CMC1: variants seen among roughly 807,000 people sequenced by gnomAD.
CMC1 encodes the protein COX assembly mitochondrial protein homolog.
Under a neutral mutation model 14.1 loss-of-function variants are expected in CMC1, and 14 were observed. The observed-to-expected ratio is 0.99, with a 90% confidence interval of 0.66 to 1.55. The LOEUF (loss-of-function observed/expected upper bound fraction) is 1.55, where lower values mean the gene tolerates loss of function less well. CMC1 is among the 40% of genes most tolerant of loss of function. The pLI, the probability that CMC1 is intolerant of heterozygous loss-of-function variation, is 0.00. For synonymous variants in CMC1, 50 were observed against 38.4 expected, an observed-to-expected ratio of 1.30 and a Z score of -1.12; for missense variants, 127 against 123.8, an observed-to-expected ratio of 1.03 and a Z score of -0.12.
chr3:28,294,214 A>G (rs1405769555), intron 2 of CMC1, among the ~76,000 whole-genome samples: 1 of 152,158 alleles, frequency 6.6e-6, no homozygotes, highest in Non-Finnish European at 1.5e-5. Context: ...AGCTCTGTCA[A>G]AAAAATTACA....
chr3:28,269,521 G>T (rs1700172067), intron 2 of CMC1, among the ~76,000 whole-genome samples: 1 of 151,760 alleles, frequency 6.6e-6, no homozygotes, highest in Non-Finnish European at 1.5e-5. Flanking sequence ...TTGTGCCATG[G>T]TGGTTTGCTG....
intron 1 of CMC1, among the ~76,000 whole-genome samples, chr3:28,260,091 A>G (rs1391126555): frequency 6.6e-6 from 1 of 151,862 alleles, no homozygotes; most frequent in Non-Finnish European, 1.5e-5. Flanking sequence ...CCTTTTTTGG[A>G]CTGTTAATAT....
chr3:28,271,517 T>G (rs1038547919), intron 2 of CMC1, among the ~76,000 whole-genome samples: 5 of 152,210 alleles, frequency 3.3e-5, no homozygotes, highest in African/African-American at 7.2e-5. Context: ...GTTGTAGATG[T>G]GCAGTCTTAT....
At chr3:28,243,558 T>C (rs1011143036) in intron 1 of CMC1, among the ~76,000 whole-genome samples, 4 of 152,252 alleles carry the variant, frequency 2.6e-5, no homozygotes, top group Admixed American at 1.3e-4. Flanking sequence ...TCTTGTGTTG[T>C]ACCCAAGGCC....
Position 28,324,167 on chromosome 3 carries a change from G to A in CMC1, c.*4538G>A. 3 of 1,610,662 alleles carry A rather than the reference G, an allele frequency of 1.9e-6. No homozygotes were observed. The highest frequency in any genetic ancestry group is 2.5e-6 in the Non-Finnish European group (3 of 1,177,632). Reference sequence around the variant, plus strand: ...GTCTCACTTGATTTAGGAGGACTTGGAAATACCCAGGAATTGTCTTCCAGA... The same window carrying A: ...GTCTCACTTGATTTAGGAGGACTTGAAAATACCCAGGAATTGTCTTCCAGA... On this transcript the variant is annotated 3_prime_UTR_variant, in exon 4 of 4. Coordinates refer to ENST00000466830, the MANE Select transcript of CMC1 (RefSeq NM_182523.2).
At chr3:28,281,662 A>G (rs1366083732) in intron 2 of CMC1, among the ~76,000 whole-genome samples, 1 of 152,212 alleles carries the variant, frequency 6.6e-6, no homozygotes, top group East Asian at 1.9e-4. Context: ...GGCACAGAAA[A>G]TAGAATTACA....
At chr3:28,293,905 GA>G (rs1284670225) in intron 2 of CMC1, among the ~76,000 whole-genome samples, 1 of 151,950 alleles carries the variant, frequency 6.6e-6, no homozygotes, top group Non-Finnish European at 1.5e-5. Context: ...TTTTTAACTT[GA>G]AAACCTGTGT....
In CMC1 at chr3:28,241,822, C is replaced by T. The variant is rs765731118; in HGVS notation, c.19+10C>T. The T allele has an allele frequency of 8.9e-6, 11 of 1,238,378 alleles. No homozygotes were observed. Among genetic ancestry groups the T allele is most frequent in the African/African-American group, 1.6e-5 (1 of 64,486 alleles). The allele number at this position is 1,238,378 out of a possible 1,614,324, so 76.7% of individuals were successfully genotyped here. ...GCGCTCGACCCCGCAGGTACCGGGG[C>T]GGGAAGCGGGGTTTGCCGAGGGGCC... On this transcript the variant is annotated intron_variant, in intron 1 of 3. Transcript: ENST00000466830.
intron 2 of CMC1, among the ~76,000 whole-genome samples, chr3:28,295,173 ACTTT>A (rs1183491756): frequency 1.3e-5 from 2 of 152,034 alleles, no homozygotes; most frequent in East Asian, 3.9e-4. Flanking sequence ...CTTAGCCTTT[ACTTT>A]CATTTTAGTG....
chr3:28,249,637 C>T (rs1238841956), intron 1 of CMC1, among the ~76,000 whole-genome samples: 5 of 152,084 alleles, frequency 3.3e-5, no homozygotes, highest in African/African-American at 1.2e-4. Flanking sequence ...GGGTGGGGCC[C>T]AAGCATTAAG....
intron 1 of CMC1, among the ~76,000 whole-genome samples, chr3:28,261,861 G>A (rs1272100549): frequency 1.3e-5 from 2 of 152,076 alleles, no homozygotes; most frequent in Non-Finnish European, 2.9e-5. Flanking sequence ...ATATAGGTTC[G>A]CATCTCCAAA....
intron 1 of CMC1, among the ~76,000 whole-genome samples, chr3:28,259,324 T>C (rs1327470985): frequency 6.6e-6 from 1 of 152,086 alleles, no homozygotes; most frequent in Non-Finnish European, 1.5e-5. Context: ...GAAATATTAC[T>C]CTCTTAATGT....
chr3:28,257,231 T>A (rs1699460231), intron 1 of CMC1, among the ~76,000 whole-genome samples: 1 of 152,164 alleles, frequency 6.6e-6, no homozygotes, highest in Non-Finnish European at 1.5e-5. Context: ...TATATCCTAA[T>A]TAAGACATTT....
intron 2 of CMC1, among the ~76,000 whole-genome samples, chr3:28,293,694 G>A (rs572752045): frequency 6.6e-5 from 10 of 152,070 alleles, no homozygotes; most frequent in African/African-American, 1.7e-4. Flanking sequence ...TGGTTTTTCT[G>A]CCTCAGCCTC....
intron 2 of CMC1, among the ~76,000 whole-genome samples, chr3:28,274,272 G>C (rs1321815890): frequency 1.1e-5 from 1 of 93,134 alleles, no homozygotes; most frequent in Non-Finnish European, 2.1e-5. Context: ...TCCATATTTA[G>C]TGCTTCTTTC....
rs145382880 is a variant in CMC1 at position 28,305,089 on chromosome 3, C to T, written c.110-11244C>T. Among the ~76,000 whole-genome samples the T allele has an allele frequency of 4.2e-3, 635 of 152,218 alleles. 8 individuals are homozygous for T. The highest frequency in any genetic ancestry group is 0.015 in the African/African-American group (611 of 41,530). The stretch of plus-strand genomic sequence containing the variant: ...TTTTCAGCCGTTGTCCTTCCTCCTT[C>T]CCTCCCATTTTGGACTCCCCAGTAT... On this transcript the variant is annotated intron_variant, in intron 2 of 3. Coordinates refer to ENST00000466830, the MANE Select transcript of CMC1 (RefSeq NM_182523.2).
At chr3:28,299,663 A>G (rs1577072142) in intron 2 of CMC1, among the ~76,000 whole-genome samples, 1 of 152,132 alleles carries the variant, frequency 6.6e-6, no homozygotes, top group Non-Finnish European at 1.5e-5. Context: ...TTATAATGAT[A>G]TATTTTCTAG....
At chr3:28,261,147 A>G (rs1367978180) in intron 1 of CMC1, among the ~76,000 whole-genome samples, 2 of 152,020 alleles carry the variant, frequency 1.3e-5, no homozygotes, top group East Asian at 1.9e-4. Context: ...AATATGACAT[A>G]TATTTTACAT....
At chr3:28,293,717 G>T (rs1417494979) in intron 2 of CMC1, among the ~76,000 whole-genome samples, 1 of 152,036 alleles carries the variant, frequency 6.6e-6, no homozygotes, top group Non-Finnish European at 1.5e-5. Context: ...AAGTAGCTGG[G>T]ATTACAGATA....
Sources: allele counts gnomAD v4.1 joint callset (sites outside exome capture counted in the v4.1 genomes callset), GRCh38; gene constraint gnomAD v4.1.1; transcripts MANE v1.5; gene names NCBI Gene and HGNC (gene_info 2026-07-23, HGNC 2026-07-21).